DUSP13B: variants seen among roughly 807,000 people sequenced by gnomAD.
DUSP13B encodes the protein dual specificity phosphatase 13B.
the DUSP13B span, chr10:75,102,103 G>T: frequency 4.1e-6 from 2 of 489,552 alleles, no homozygotes; most frequent in South Asian, 3.5e-5. Context: ...CCAGGCCCAG[G>T]CCTCTGTCCC....
the DUSP13B span, among the ~76,000 whole-genome samples, chr10:75,105,426 T>G: frequency 1.3e-5 from 2 of 152,122 alleles, no homozygotes; most frequent in South Asian, 2.1e-4. Flanking sequence ...GTGGGGGATA[T>G]GGGTTGGGGG....
the DUSP13B span, among the ~76,000 whole-genome samples, chr10:75,104,258 T>C: frequency 1.3e-5 from 2 of 152,028 alleles, no homozygotes; most frequent in African/African-American, 4.8e-5. Context: ...GATGAGGAGG[T>C]AGATTTGGTA....
chr10:75,101,914 C>T, the DUSP13B span: 17 of 1,367,688 alleles, frequency 1.2e-5, no homozygotes, highest in Admixed American at 1.9e-4. Context: ...ACGGGCAGTT[C>T]GTGCTGCTGG....
At chr10:75,107,448 T>C in the DUSP13B span, among the ~76,000 whole-genome samples, 1 of 152,226 alleles carries the variant, frequency 6.6e-6, no homozygotes, top group Admixed American at 6.5e-5. Context: ...GCTGTTCTGC[T>C]GTTTGGGAGA....
chr10:75,096,752 A>G, the DUSP13B span, among the ~76,000 whole-genome samples: 1 of 152,200 alleles, frequency 6.6e-6, no homozygotes, highest in Admixed American at 6.5e-5. Context: ...TCTCTAAATA[A>G]ATAAATAAAA....
the DUSP13B span, chr10:75,095,754 A>G: frequency 1.2e-6 from 2 of 1,614,192 alleles, no homozygotes; most frequent in South Asian, 2.2e-5. Context: ...AACGTGGGTG[A>G]TTCCCAGCTG....
At chr10:75,097,730 C>T in the DUSP13B span, 8 of 1,591,198 alleles carry the variant, frequency 5.0e-6, no homozygotes, top group Non-Finnish European at 6.9e-6. Context: ...CAGGAAGAGG[C>T]TGGGCCAGAC....
At chr10:75,101,954 T>C in the DUSP13B span, 1 of 1,367,732 alleles carries the variant, frequency 7.3e-7, no homozygotes, top group Middle Eastern at 2.1e-4. Flanking sequence ...GCACACTTGA[T>C]GCTGTTTCTA....
the DUSP13B span, among the ~76,000 whole-genome samples, chr10:75,105,158 G>A: frequency 1.3e-5 from 2 of 152,116 alleles, no homozygotes; most frequent in South Asian, 2.1e-4. Context: ...AATTAGCTAA[G>A]CCTGGAAAGT....
the DUSP13B span, chr10:75,105,840 G>A: frequency 2.2e-5 from 34 of 1,550,410 alleles, no homozygotes; most frequent in Non-Finnish European, 2.8e-5. Context: ...AGCGGCTCAC[G>A]CCCACCACAC....
At chr10:75,097,913 T>G in the DUSP13B span, 1 of 1,537,008 alleles carries the variant, frequency 6.5e-7, no homozygotes. Context: ...CCGCAGTGGC[T>G]GGAGGCAGGC....
the DUSP13B span, among the ~76,000 whole-genome samples, chr10:75,095,070 T>C: frequency 2.6e-5 from 4 of 152,180 alleles, no homozygotes. Flanking sequence ...AGGCAGGGTT[T>C]AGGTTAGCAG....
At chr10:75,100,229 C>T in the DUSP13B span, among the ~76,000 whole-genome samples, 1 of 152,164 alleles carries the variant, frequency 6.6e-6, no homozygotes, top group African/African-American at 2.4e-5. Flanking sequence ...TGGTAGGCCA[C>T]AGTGCATGCC....
the DUSP13B span, chr10:75,099,346 G>A: frequency 0.068 from 83,276 of 1,232,192 alleles, 3,953 homozygotes; most frequent in East Asian, 0.27. Context: ...GGAGGCTGTC[G>A]GGCAAGGCGG....
At chr10:75,108,950 G>C in the DUSP13B span, 266 of 1,537,554 alleles carry the variant, frequency 1.7e-4, 1 homozygote, top group African/African-American at 2.5e-3. Flanking sequence ...CTGGTAAAGC[G>C]ACCAAGAACT....
chr10:75,108,813 C>T, the DUSP13B span, among the ~76,000 whole-genome samples: 1 of 152,194 alleles, frequency 6.6e-6, no homozygotes, highest in Non-Finnish European at 1.5e-5. Flanking sequence ...AGGCGAAGTC[C>T]CTGCTCTCCC....
chr10:75,097,605 G>T, the DUSP13B span: 1 of 1,071,688 alleles, frequency 9.3e-7, no homozygotes, highest in Non-Finnish European at 1.3e-6. Context: ...TGGGAGGCAA[G>T]CGTGCCACCT....
the DUSP13B span, among the ~76,000 whole-genome samples, chr10:75,107,058 G>A: frequency 4.6e-5 from 7 of 152,120 alleles, no homozygotes; most frequent in Non-Finnish European, 8.8e-5. Context: ...TTTGGGGGCC[G>A]GGTGCGGTGG....
chr10:75,094,706 G>A, the DUSP13B span: 5 of 1,614,030 alleles, frequency 3.1e-6, no homozygotes, highest in African/African-American at 4.0e-5. Context: ...GCCCCAGTCG[G>A]TTGTCCAGAA....
Sources: gnomAD v4.1 joint callset for allele counts (sites outside exome capture counted in the v4.1 genomes callset) on GRCh38, gnomAD v4.1.1 for gene constraint, MANE v1.5 for transcripts, NCBI Gene and HGNC (gene_info 2026-07-23, HGNC 2026-07-21) for gene names.